The following EPS15 variants were observed in gnomAD, a reference collection of about 807,000 sequenced individuals.
EPS15 encodes the protein epidermal growth factor receptor pathway substrate 15.
A neutral mutation model predicts 113.8 loss-of-function variants in EPS15; 72 were observed. That is an observed-to-expected ratio of 0.63 (90% CI 0.52 to 0.77). The LOEUF (loss-of-function observed/expected upper bound fraction) is 0.77, where lower values mean the gene tolerates loss of function less well. Among genes scored for constraint, EPS15 ranks in the 30% least tolerant of loss-of-function variants. EPS15 has a pLI of 0.00. For missense variants in EPS15, 1,048 were observed against 1,045.8 expected, an observed-to-expected ratio of 1.00 and a Z score of -0.03; for synonymous variants, 344 against 363.4, an observed-to-expected ratio of 0.95 and a Z score of 0.61.
At chr1:51,429,830 T>C (rs1651558515) in intron 12 of EPS15, among the ~76,000 whole-genome samples, 1 of 152,028 alleles carries the variant, frequency 6.6e-6, no homozygotes. Flanking sequence ...TTTGTATTTT[T>C]AGTAGAGATG....
At chr1:51,454,554 A>C (rs534518933) in intron 8 of EPS15, among the ~76,000 whole-genome samples, 1 of 152,358 alleles carries the variant, frequency 6.6e-6, no homozygotes, top group South Asian at 2.1e-4. Context: ...TCATTTGTCC[A>C]GTCTAGTCAC....
chr1:51,430,162 G>A (rs918621209), intron 12 of EPS15, among the ~76,000 whole-genome samples: 5 of 152,264 alleles, frequency 3.3e-5, no homozygotes, highest in African/African-American at 9.6e-5. Flanking sequence ...CTTATCTTAG[G>A]AACTGTCAGA....
intron 16 of EPS15, among the ~76,000 whole-genome samples, chr1:51,405,420 G>C (rs1420781971): frequency 6.6e-6 from 1 of 152,156 alleles, no homozygotes; most frequent in Non-Finnish European, 1.5e-5. Flanking sequence ...TAGCTGGCTG[G>C]GCGTGGTGGC....
At position 51,363,922 on chromosome 1, in the gene EPS15, G is replaced by T. The variant is rs1646446198; in HGVS notation, c.2303C>A (p.Pro768His). The change falls in exon 23 of 25, where the codon CCC becomes CAC. Residue 768 changes from proline to histidine, a missense_variant. Coordinates refer to ENST00000371733, the MANE Select transcript of EPS15 (RefSeq NM_001981.3). Reference protein sequence around the residue: ...EETSVKSEDEPPALPPKIGTP... With the variant: ...EETSVKSEDEHPALPPKIGTP... ...TCCGATCTTTGGTGGCAGTGCTGGG[G>T]GTTCATCTTCACTTTTGACCGATGT... 1 of 1,613,800 alleles carries T rather than the reference G, an allele frequency of 6.2e-7. No homozygotes were observed. The highest frequency in any genetic ancestry group is 1.7e-5 in the Admixed American group (1 of 59,990).
At position 51,461,086 on chromosome 1, in the gene EPS15, C is replaced by T; in HGVS notation, c.561+5G>A. ...TGAAGATGTTAAGAACATTAGATTACTTACAACTGCAAACTCATCTCTGTC... is the reference window on the plus strand; with the variant it reads ...TGAAGATGTTAAGAACATTAGATTATTTACAACTGCAAACTCATCTCTGTC... On this transcript the variant is annotated splice_donor_5th_base_variant and intron_variant, in intron 8 of 24. Coordinates refer to ENST00000371733, the MANE Select transcript of EPS15 (RefSeq NM_001981.3). 6.4e-7 allele frequency: 1 copy of T among 1,573,686 alleles called. No homozygotes were observed. Among genetic ancestry groups the T allele is most frequent in the Non-Finnish European group, 8.7e-7 (1 of 1,143,272 alleles).
Position 51,356,802 on chromosome 1 carries a change from A to T in EPS15, c.2589T>A (p.Ser863Arg). Residue 863 changes from serine to arginine, a missense_variant, in exon 25 of 25, where the codon AGT becomes AGA. Transcript: ENST00000371733. ...EDMIEWAKRE[S>R]EREEEQRLAR... ...CAAGCCTCTGCTCTTCCTCTCTCTC[A>T]CTTTCCCTCTTGGCCCATTCGATCA... 2.5e-6 allele frequency: 4 copies of T among 1,613,716 alleles called. No homozygotes were observed. Among genetic ancestry groups the T allele is most frequent in the Non-Finnish European group, 3.4e-6 (4 of 1,179,774 alleles).
intron 1 of EPS15, among the ~76,000 whole-genome samples, chr1:51,503,919 C>T (rs373945401): frequency 6.6e-6 from 1 of 152,196 alleles, no homozygotes; most frequent in African/African-American, 2.4e-5. Flanking sequence ...TGAAGTTGGA[C>T]CTTTACCTCA....
At chr1:51,451,420 G>C (rs1653542528) in intron 8 of EPS15, among the ~76,000 whole-genome samples, 1 of 149,544 alleles carries the variant, frequency 6.7e-6, no homozygotes. Context: ...GACCTTGGGA[G>C]GTGGAGACTG....
In EPS15 at chr1:51,410,644, G is replaced by T. The variant is rs568951933; in HGVS notation, c.1114-948C>A. On this transcript the variant is annotated intron_variant, in intron 13 of 24. Coordinates refer to ENST00000371733, the MANE Select transcript of EPS15 (RefSeq NM_001981.3). Reference sequence around the variant, plus strand: ...AGGGATTAATAACTCCGAAGTATCTGTCAGCAGGAGGTAGGCAAAGATTTC... The same window carrying T: ...AGGGATTAATAACTCCGAAGTATCTTTCAGCAGGAGGTAGGCAAAGATTTC... Among the ~76,000 whole-genome samples the T allele has an allele frequency of 2.0e-5, 3 of 152,310 alleles. No individual in the cohort carries two copies. In the East Asian group the frequency reaches 5.8e-4, roughly 29 times the overall value.
rs1160939544 is a variant in EPS15, at chr1:51,365,945, T to A, written c.2196+8A>T. 6.3e-7 allele frequency: 1 copy of A among 1,585,356 alleles called. No homozygotes were observed. Among genetic ancestry groups the A allele is most frequent in the Non-Finnish European group, 8.6e-7 (1 of 1,158,218 alleles). ...TGTTTTCCCTTCCCATTAATTACTG[T>A]AGATTACCTTTGACAATGTGCTGAA... On this transcript the variant is annotated splice_region_variant and intron_variant, in intron 22 of 24. Coordinates refer to ENST00000371733, the MANE Select transcript of EPS15 (RefSeq NM_001981.3).
intron 1 of EPS15, among the ~76,000 whole-genome samples, chr1:51,509,325 C>T (rs1644578529): frequency 6.6e-6 from 1 of 152,088 alleles, no homozygotes; most frequent in Non-Finnish European, 1.5e-5. Flanking sequence ...TATCAATAAT[C>T]CTTAGTATAA....
At chr1:51,380,434 T>G (rs1646915473) in intron 21 of EPS15, among the ~76,000 whole-genome samples, 1 of 151,798 alleles carries the variant, frequency 6.6e-6, no homozygotes, top group South Asian at 2.1e-4. Context: ...AAGTGGGGAG[T>G]GGAGCTGTAA....
At chr1:51,442,652 T>C (rs1345886248) in intron 11 of EPS15, among the ~76,000 whole-genome samples, 1 of 152,150 alleles carries the variant, frequency 6.6e-6, no homozygotes, top group Non-Finnish European at 1.5e-5. Flanking sequence ...TCAGAGAGCC[T>C]AGGGAAGGCA....
Position 51,421,787 on chromosome 1 carries a change from T to C in EPS15, c.1112A>G (p.Gln371Arg), listed in dbSNP as rs1650781701. 1 of 1,576,820 alleles carries C rather than the reference T, an allele frequency of 6.3e-7. No individual in the cohort carries two copies. The highest frequency in any genetic ancestry group is 8.6e-7 in the Non-Finnish European group (1 of 1,157,500). The change falls in exon 13 of 25, where the codon CAG (glutamine) becomes CGG (arginine). Residue 371 changes from glutamine (Q) to arginine (R), a missense_variant and splice_region_variant. Transcript: ENST00000371733. ...DTIKQRTSEV[Q>R]DLQDEVQREN... ...ACACTAAATTTTATGGTCACTTACC[T>C]GAACCTCACTTGTCCTCTGTTTAAT...
At position 51,421,865 on chromosome 1, in the gene EPS15, G is replaced by T; in HGVS notation, c.1041-7C>A. 2 of 1,611,196 alleles carry T rather than the reference G, an allele frequency of 1.2e-6. No homozygotes were observed. Among genetic ancestry groups the T allele is most frequent in the South Asian group, 2.2e-5 (2 of 90,704 alleles). On this transcript the variant is annotated splice_polypyrimidine_tract_variant and splice_region_variant and intron_variant, in intron 12 of 24. Coordinates refer to ENST00000371733, the MANE Select transcript of EPS15 (RefSeq NM_001981.3). ...TTCCACATTATTCTTTTCCCTAGAA[G>T]ACCAGCAAACAATGCAAGAATATTT...
At chr1:51,460,960 A>G (rs1318662250) in intron 8 of EPS15, 131 bp downstream of exon 8, 3 of 250,360 alleles carry the variant, frequency 1.2e-5, no homozygotes, top group South Asian at 6.9e-5. Context: ...TCTCAAAAAG[A>G]AAAAAAAAAA....
chr1:51,391,703 C>T (rs899054165), intron 21 of EPS15, among the ~76,000 whole-genome samples: 3 of 152,030 alleles, frequency 2.0e-5, no homozygotes, highest in African/African-American at 7.2e-5. Context: ...AAGGCTTTTA[C>T]TGGATATAAT....
At chr1:51,467,879 C>T (rs1654958992) in intron 5 of EPS15, among the ~76,000 whole-genome samples, 1 of 152,108 alleles carries the variant, frequency 6.6e-6, no homozygotes, top group African/African-American at 2.4e-5. Context: ...TCCATGAAAC[C>T]GGTCCCTGGT....
chr1:51,470,066 A>C (rs1334460082), intron 4 of EPS15, among the ~76,000 whole-genome samples: 1 of 151,644 alleles, frequency 6.6e-6, no homozygotes, highest in African/African-American at 2.4e-5. Flanking sequence ...TTCTTTTCTC[A>C]CTCTATTTGA....
Sources: allele counts gnomAD v4.1 joint callset (sites outside exome capture counted in the v4.1 genomes callset), GRCh38; gene constraint gnomAD v4.1.1; transcripts MANE v1.5; gene names NCBI Gene and HGNC (gene_info 2026-07-23, HGNC 2026-07-21).